RNF144A: variants seen among roughly 807,000 people sequenced by gnomAD.
RNF144A encodes ring finger protein 144A.
Under a neutral mutation model 38.7 loss-of-function variants are expected in RNF144A, and 11 were observed. That is an observed-to-expected ratio of 0.28 (90% CI 0.18 to 0.47). RNF144A has a LOEUF of 0.47. RNF144A is among the 20% of genes least tolerant of loss of function. RNF144A has a pLI of 0.99. For missense variants in RNF144A, 316 were observed against 377.2 expected (o/e 0.84, Z 1.34); for synonymous variants, 149 against 143.9 (o/e 1.04, Z -0.25).
rs529407430 is a variant in RNF144A at position 6,958,751 on chromosome 2, A to C, written c.-12+17604A>C. ...CCCAATCAGACAGTTGCTTCTGTGC[A>C]TCCCGCAGGAGGAGGCAGAGGAGGA... On this transcript the variant is annotated intron_variant, in intron 2 of 8. Coordinates refer to ENST00000320892, the MANE Select transcript of RNF144A (RefSeq NM_014746.6). This position sits in a 1 kb window ranked among gnomAD's most constrained non-coding sequence, Gnocchi z 4.5. Among the ~76,000 whole-genome samples, 6 of 152,260 alleles carry C rather than the reference A, an allele frequency of 3.9e-5. No individual in the cohort carries two copies. The East Asian group carries it at 1.2e-3, about 29-fold the overall frequency.
intron 1 of RNF144A, among the ~76,000 whole-genome samples, chr2:6,938,831 A>G (rs1665773632): frequency 6.6e-6 from 1 of 152,106 alleles, no homozygotes; most frequent in Non-Finnish European, 1.5e-5. Flanking sequence ...TTCATATAAT[A>G]TATGTCCTTT....
chr2:7,001,645 C>A (rs181074584), intron 3 of RNF144A, among the ~76,000 whole-genome samples: 44 of 152,336 alleles, frequency 2.9e-4, no homozygotes. Flanking sequence ...CCACTGCACT[C>A]CAGCCTGGGC....
intron 2 of RNF144A, among the ~76,000 whole-genome samples, chr2:6,974,090 T>C (rs1298268821): frequency 6.6e-6 from 1 of 152,214 alleles, no homozygotes; most frequent in Non-Finnish European, 1.5e-5. Context: ...TCATCTTAGA[T>C]TCGTCATTTA....
At chr2:7,018,763 T>A (rs1392564915) in intron 5 of RNF144A, among the ~76,000 whole-genome samples, 1 of 152,254 alleles carries the variant, frequency 6.6e-6, no homozygotes, top group East Asian at 1.9e-4. Context: ...TAGATTATTA[T>A]AATGAAGATA....
rs1248356147 is a variant in RNF144A, at chr2:7,024,350, C to T, written c.510-19C>T. 9 of 1,591,144 alleles carry T rather than the reference C, an allele frequency of 5.7e-6. No homozygotes were observed. Among genetic ancestry groups the T allele is most frequent in the African/African-American group, 5.4e-5 (4 of 74,654 alleles). ...GTGGGATCCGTTTGTGCAGAGTCCT[C>T]ACGGCGTTTCTCCCACAGTGCTGCT... On this transcript the variant is annotated intron_variant, in intron 6 of 8. Coordinates refer to ENST00000320892, the MANE Select transcript of RNF144A (RefSeq NM_014746.6).
In RNF144A at chr2:7,041,806, AC is replaced by A. The variant is rs1673062236; in HGVS notation, c.*2051del. On this transcript the variant is annotated 3_prime_UTR_variant, in exon 9 of 9. Transcript: ENST00000320892. ...CCATCGCATGAGCCCACACAGTAGC[AC>A]CCCCGTCCTTAGGATGAGAGTCAGA... The A allele has an allele frequency of 2.0e-6, 2 of 985,188 alleles. No homozygotes were observed. The highest frequency in any genetic ancestry group is 4.7e-5 in the South Asian group (1 of 21,278). 61.0% of individuals were successfully genotyped at this position (985,188 alleles called of 1,614,324 possible). A position where few individuals can be genotyped will look rare whatever the true frequency, so the allele number is the denominator to read the frequency against.
At chr2:6,974,533 T>A (rs1668186881) in intron 2 of RNF144A, among the ~76,000 whole-genome samples, 1 of 152,174 alleles carries the variant, frequency 6.6e-6, no homozygotes, top group African/African-American at 2.4e-5. Context: ...TATTAGTGCA[T>A]AATTCTTGTT....
chr2:7,012,043 G>T (rs1183000771), intron 3 of RNF144A, among the ~76,000 whole-genome samples: 3 of 152,092 alleles, frequency 2.0e-5, no homozygotes, highest in East Asian at 3.8e-4. Context: ...TGCTTCTTAG[G>T]ATGCGTCATG....
chr2:7,063,872 G>C (rs1309594345), intron 6 of RNF144A, among the ~76,000 whole-genome samples: 1 of 152,208 alleles, frequency 6.6e-6, no homozygotes, highest in East Asian at 1.9e-4. Flanking sequence ...TCCATTTTCT[G>C]TTGCTATAAT....
At chr2:7,010,126 C>T (rs1043339332) in intron 3 of RNF144A, among the ~76,000 whole-genome samples, 3 of 152,124 alleles carry the variant, frequency 2.0e-5, no homozygotes, top group Non-Finnish European at 2.9e-5. Flanking sequence ...TGAGAGAAAC[C>T]CTTGCGGAGC....
At chr2:6,942,306 C>A (rs993430410) in intron 2 of RNF144A, among the ~76,000 whole-genome samples, 2 of 151,722 alleles carry the variant, frequency 1.3e-5, no homozygotes, top group Non-Finnish European at 2.9e-5. Flanking sequence ...GTCCAGGATA[C>A]CATCTCAGAG....
At chr2:7,015,391 TG>T (rs1671070318) in intron 5 of RNF144A, among the ~76,000 whole-genome samples, 1 of 152,200 alleles carries the variant, frequency 6.6e-6, no homozygotes, top group Non-Finnish European at 1.5e-5. Context: ...CTAAATATAG[TG>T]GGTGCTTTGG....
Position 7,043,731 on chromosome 2 carries a change from C to T in RNF144A, c.*3971C>T. On this transcript the variant is annotated 3_prime_UTR_variant, in exon 9 of 9. Coordinates refer to ENST00000320892, the MANE Select transcript of RNF144A (RefSeq NM_014746.6). ...ATGTTTAAAAAACCCAGGGTCTCCACCCTTCCTTTGATTTGTGCAATTCTG... is the reference window on the plus strand; with the variant it reads ...ATGTTTAAAAAACCCAGGGTCTCCATCCTTCCTTTGATTTGTGCAATTCTG... 1.0e-6 allele frequency: 1 copy of T among 985,864 alleles called. No homozygotes were observed. The highest frequency in any genetic ancestry group is 1.2e-6 in the Non-Finnish European group (1 of 829,934). The allele number at this position is 985,864 out of a possible 1,614,324, so 61.1% of individuals were successfully genotyped here. A position where few individuals can be genotyped will look rare whatever the true frequency, so the allele number is the denominator to read the frequency against.
intron 2 of RNF144A, among the ~76,000 whole-genome samples, chr2:6,986,313 A>C (rs908945959): frequency 4.0e-5 from 6 of 151,030 alleles, no homozygotes; most frequent in African/African-American, 1.5e-4. Flanking sequence ...CTACTCTGTT[A>C]CCTCCATTAT....
intron 2 of RNF144A, among the ~76,000 whole-genome samples, chr2:6,969,385 T>A (rs1289276133): frequency 6.6e-6 from 1 of 151,948 alleles, no homozygotes; most frequent in Non-Finnish European, 1.5e-5. Context: ...AGAAGGAAGA[T>A]GATATAAAGA....
Position 6,917,974 on chromosome 2 carries a change from G to C in RNF144A, c.-212+352G>C, listed in dbSNP as rs1318221206. Among the ~76,000 whole-genome samples the C allele has an allele frequency of 2.6e-5, 4 of 151,736 alleles. No individual in the cohort carries two copies. Among genetic ancestry groups the C allele is most frequent in the African/African-American group, 7.2e-5 (3 of 41,480 alleles). On this transcript the variant is annotated intron_variant, in intron 1 of 8. Transcript: ENST00000320892. This position sits in a 1 kb window ranked among gnomAD's most constrained non-coding sequence, Gnocchi z 4.8. ...CTGCCCTGCGCGGTCGCGGGTCTGCGCTGCGGCGCGGGACAGGGCGCCCCG... is the reference window on the plus strand; with the variant it reads ...CTGCCCTGCGCGGTCGCGGGTCTGCCCTGCGGCGCGGGACAGGGCGCCCCG...
At chr2:7,035,665 G>A (rs1672625066) in intron 8 of RNF144A, among the ~76,000 whole-genome samples, 1 of 152,124 alleles carries the variant, frequency 6.6e-6, no homozygotes, top group Admixed American at 6.5e-5. Flanking sequence ...CCAACTTTCA[G>A]GGTCATTTTG....
chr2:6,967,064 C>T (rs377388372), intron 2 of RNF144A, among the ~76,000 whole-genome samples: 1 of 152,092 alleles, frequency 6.6e-6, no homozygotes, highest in Admixed American at 6.5e-5. Flanking sequence ...TTTGTCTCCT[C>T]CCCACATACC....
At chr2:7,002,226 G>A (rs1441711863) in intron 3 of RNF144A, among the ~76,000 whole-genome samples, 3 of 152,166 alleles carry the variant, frequency 2.0e-5, no homozygotes, top group Admixed American at 6.5e-5. Context: ...GTGCTTTTTT[G>A]TGCACATAGC....
Sources: gnomAD v4.1 joint callset for allele counts (sites outside exome capture counted in the v4.1 genomes callset) on GRCh38, gnomAD v4.1.1 for gene constraint, Gnocchi (gnomAD v3.1) non-coding constraint, MANE v1.5 for transcripts, NCBI Gene and HGNC (gene_info 2026-07-23, HGNC 2026-07-21) for gene names.